The following HSPA14 variants were observed in gnomAD, a reference collection of about 807,000 sequenced individuals.
HSPA14 encodes the protein heat shock protein family A (Hsp70) member 14, also known as heat shock 70 kDa protein 14.
A neutral mutation model predicts 65.5 loss-of-function variants in HSPA14; 37 were observed. The ratio of observed to expected loss-of-function variants is 0.56; its 90% confidence interval spans 0.43 to 0.74. The LOEUF is 0.74. HSPA14 is among the 30% of genes least tolerant of loss of function. HSPA14 has a pLI of 0.00. For synonymous variants in HSPA14, 203 were observed against 214.2 expected (o/e 0.95, Z 0.46); for missense variants, 564 against 607.6 (o/e 0.93, Z 0.75).
intron 10 of HSPA14, among the ~76,000 whole-genome samples, chr10:14,856,504 A>G (rs1008225754): frequency 6.6e-6 from 1 of 152,144 alleles, no homozygotes; most frequent in African/African-American, 2.4e-5. Flanking sequence ...AAAAAATTCA[A>G]ATGTTTAGTA....
rs139879070 is a variant in HSPA14, at chr10:14,863,596, T to C, written c.994-3487T>C. ...TTCCTCTCCCCACCTCCCTTCTTCT[T>C]GTGTCCACAGAGCATGACTTGCTCT... is the stretch of plus-strand genomic sequence containing the variant. On this transcript the variant is annotated intron_variant, in intron 10 of 13. Transcript: ENST00000378372. 6.1e-3 allele frequency among the ~76,000 whole-genome samples: 927 copies of C among 152,286 alleles called. 9 individuals carry two copies. Among genetic ancestry groups the C allele is most frequent in the Non-Finnish European group, 6.6e-3 (448 of 68,016 alleles).
intron 8 of HSPA14, 28 bp from the exon 9 acceptor site, chr10:14,854,097 A>T (rs752886208): frequency 1.9e-6 from 3 of 1,551,284 alleles, no homozygotes. Flanking sequence ...AGTAATTTTA[A>T]ACCCCAAAGG....
In HSPA14 at chr10:14,844,737, C is replaced by A. The variant is rs1384317962; in HGVS notation, c.222-3872C>A. ...ATAAAATATTAAATATATGTAAATT[C>A]TTTGCATTTCATATTATTTGGGTCC... is the stretch of plus-strand genomic sequence containing the variant. On this transcript the variant is annotated intron_variant, in intron 3 of 13. Coordinates refer to ENST00000378372, the MANE Select transcript of HSPA14 (RefSeq NM_016299.4). 8.3e-6 allele frequency: 8 copies of A among 965,218 alleles called. No individual in the cohort carries two copies. In the East Asian group the frequency reaches 5.8e-4, roughly 69 times the overall value. The allele number at this position is 965,218 out of a possible 1,614,324, so 59.8% of individuals were successfully genotyped here.
In HSPA14 at chr10:14,858,396, T is replaced by G. The variant is rs551656394; in HGVS notation, c.993+2453T>G. 1.4e-4 allele frequency among the ~76,000 whole-genome samples: 21 copies of G among 152,280 alleles called. No homozygotes were observed. In the East Asian group the frequency reaches 3.9e-3, roughly 28 times the overall value. ...TTCAGATGTTTCTAAGACACAGGCT[T>G]TTGAGAACTTAATAATAAGAAATTG... On this transcript the variant is annotated intron_variant, in intron 10 of 13. Coordinates refer to ENST00000378372, the MANE Select transcript of HSPA14 (RefSeq NM_016299.4).
intron 13 of HSPA14, 122 bp downstream of exon 13, chr10:14,870,789 T>C (rs1051169259): frequency 2.3e-5 from 21 of 930,006 alleles, no homozygotes; most frequent in Admixed American, 3.7e-5. Flanking sequence ...CAGAGGTTTT[T>C]ATCAGTGAAT....
At chr10:14,855,443 CAT>C (rs1470078692) in intron 9 of HSPA14, among the ~76,000 whole-genome samples, 5 of 152,256 alleles carry the variant, frequency 3.3e-5, no homozygotes, top group Non-Finnish European at 5.9e-5. Context: ...AAAACTTTAA[CAT>C]ATAAAAATGG....
At chr10:14,849,008 ATAAG>A (rs1281964296) in intron 5 of HSPA14, 113 bp downstream of exon 5, 16 of 606,816 alleles carry the variant, frequency 2.6e-5, no homozygotes, top group Non-Finnish European at 4.4e-5. Context: ...GATTGCACAG[ATAAG>A]TAAGGACATA....
chr10:14,853,909 G>A (rs1385418031), intron 8 of HSPA14, among the ~76,000 whole-genome samples: 3 of 152,066 alleles, frequency 2.0e-5, no homozygotes, highest in African/African-American at 7.2e-5. Context: ...AGTAGAGATG[G>A]GGTTTCACCA....
chr10:14,840,760 T>A (rs957956731), intron 3 of HSPA14, among the ~76,000 whole-genome samples: 12 of 152,176 alleles, frequency 7.9e-5, no homozygotes, highest in African/African-American at 2.9e-4. Context: ...TAATTAGGGG[T>A]TTTCATTTTC....
Position 14,852,548 on chromosome 10 carries a change from TG to T in HSPA14, c.734+18del. On this transcript the variant is annotated intron_variant, in intron 8 of 13. Transcript: ENST00000378372. Reference sequence around the variant, plus strand: ...GTTCCAAAGGTGAGTGTTAATGGCCTGAATAATACCTTCTGATTGAGGTTTT... The same window carrying T: ...GTTCCAAAGGTGAGTGTTAATGGCCTAATAATACCTTCTGATTGAGGTTTT... 6.4e-7 allele frequency: 1 copy of T among 1,552,024 alleles called. No homozygotes were observed. The highest frequency in any genetic ancestry group is 2.3e-5 in the East Asian group (1 of 43,262).
chr10:14,838,323 C>T lies in HSPA14; in HGVS notation c.-80C>T. 1 of 1,416,798 alleles carries T rather than the reference C, an allele frequency of 7.1e-7. No homozygotes were observed. The highest frequency in any genetic ancestry group is 9.7e-7 in the Non-Finnish European group (1 of 1,033,906). 87.8% of individuals were successfully genotyped at this position (1,416,798 alleles called of 1,614,324 possible). On this transcript the variant is annotated 5_prime_UTR_variant, in exon 1 of 14. Transcript: ENST00000378372. ...GCGGGAACGTGAAGCTCCGCGGTGC[C>T]TGATGGGGCCGTTGGGCGGCCGGTA...
Position 14,854,184 on chromosome 10 carries a change from C to T in HSPA14, c.794C>T (p.Ala265Val), listed in dbSNP as rs781256659. Reference protein sequence around the residue: ...ARAMMKLTNSAEVAKHSLSTL... With the variant: ...ARAMMKLTNSVEVAKHSLSTL... The stretch of plus-strand genomic sequence containing the variant: ...GCCATGATGAAATTAACGAACAGTG[C>T]TGAAGTAGCGAAACATTCTTTGTCA... The change falls in exon 9 of 14, where the codon GCT becomes GTT. Residue 265 changes from alanine (A) to valine (V), a missense_variant. Ala to Val is a moderately conservative substitution (Grantham distance 64). Coordinates refer to ENST00000378372, the MANE Select transcript of HSPA14 (RefSeq NM_016299.4). 2.0e-5 allele frequency: 32 copies of T among 1,613,342 alleles called. No individual in the cohort carries two copies. Among genetic ancestry groups the T allele is most frequent in the Admixed American group, 1.7e-5 (1 of 59,854 alleles).
intron 10 of HSPA14, among the ~76,000 whole-genome samples, chr10:14,859,725 G>C (rs954965466): frequency 1.3e-5 from 2 of 152,092 alleles, no homozygotes; most frequent in Non-Finnish European, 2.9e-5. Flanking sequence ...AATTTCCTTA[G>C]GATAAAATTC....
chr10:14,852,829 G>A lies in HSPA14; in HGVS notation c.734+298G>A, dbSNP rs548076411. On this transcript the variant is annotated intron_variant, in intron 8 of 13. Transcript: ENST00000378372. ...TCTTCATGTAGTGCTCTTCTGTCTG[G>A]TTAAAGGAGTGTATAGGCACTGAGG... Among the ~76,000 whole-genome samples, 3 of 152,286 alleles carry A rather than the reference G, an allele frequency of 2.0e-5. No homozygotes were observed. The South Asian group carries it at 6.2e-4, about 32-fold the overall frequency.
At chr10:14,848,587 C>T in intron 3 of HSPA14, 22 bp from the exon 4 acceptor site, 3 of 1,585,858 alleles carry the variant, frequency 1.9e-6, no homozygotes, top group Non-Finnish European at 2.6e-6. Flanking sequence ...ACTTAGCTAT[C>T]TTTATCTTTC....
Position 14,842,467 on chromosome 10 carries a change from G to A in HSPA14, c.221+2310G>A, listed in dbSNP as rs1284851054. 2.6e-6 allele frequency: 4 copies of A among 1,536,176 alleles called. No homozygotes were observed. The highest frequency in any genetic ancestry group is 3.5e-6 in the Non-Finnish European group (4 of 1,146,928). ...AGGGCTTCCGCCGCACCGAACGTCA[G>A]TGCCGCTCCAAGTTTAAAGTTCTGA... On this transcript the variant is annotated intron_variant, in intron 3 of 13. Transcript: ENST00000378372. The surrounding 1 kb of genome is among the most constrained non-coding windows in gnomAD (Gnocchi z 5.2).
At chr10:14,858,876 A>C (rs946036131) in intron 10 of HSPA14, among the ~76,000 whole-genome samples, 8 of 152,166 alleles carry the variant, frequency 5.3e-5, no homozygotes, top group Admixed American at 5.2e-4. Context: ...TGAGGCTGGC[A>C]CTTACATGAT....
rs78892942 is a variant in HSPA14 at position 14,860,190 on chromosome 10, C to T, written c.993+4247C>T. Among the ~76,000 whole-genome samples the T allele has an allele frequency of 9.7e-3, 1,476 of 152,208 alleles. 34 individuals are homozygous for T. The highest frequency in any genetic ancestry group is 0.033 in the African/African-American group (1,390 of 41,522). On this transcript the variant is annotated intron_variant, in intron 10 of 13. Coordinates refer to ENST00000378372, the MANE Select transcript of HSPA14 (RefSeq NM_016299.4). The stretch of plus-strand genomic sequence containing the variant: ...ATCTTACATTTTGTCACTTTGTAAA[C>T]TCTTTGGATTACTGATTTTTAATGG...
chr10:14,841,844 C>T lies in HSPA14; in HGVS notation c.221+1687C>T, dbSNP rs953449493. 2.0e-5 allele frequency among the ~76,000 whole-genome samples: 3 copies of T among 152,346 alleles called. No homozygotes were observed. The East Asian group carries it at 5.8e-4, about 29-fold the overall frequency. Reference sequence around the variant, plus strand: ...CTTGGACTCCTTTAGCGTTAGCTGCCTCATGGTCCAGGTGATTTTCCCTCC... The same window carrying T: ...CTTGGACTCCTTTAGCGTTAGCTGCTTCATGGTCCAGGTGATTTTCCCTCC... On this transcript the variant is annotated intron_variant, in intron 3 of 13. Transcript: ENST00000378372.
Sources: allele counts gnomAD v4.1 joint callset (sites outside exome capture counted in the v4.1 genomes callset), GRCh38; gene constraint gnomAD v4.1.1; non-coding constraint Gnocchi (gnomAD v3.1); transcripts MANE v1.5; gene names NCBI Gene and HGNC (gene_info 2026-07-23, HGNC 2026-07-21).